The following NCKAP5 variants were observed in gnomAD, a reference collection of about 807,000 sequenced individuals.
NCKAP5 encodes the protein nck-associated protein 5.
A neutral mutation model predicts 167.0 loss-of-function variants in NCKAP5; 92 were observed. That is an observed-to-expected ratio of 0.55 (90% CI 0.47 to 0.66). NCKAP5 has a LOEUF of 0.66. NCKAP5 is among the 30% of genes least tolerant of loss of function. The pLI is 0.00. For synonymous variants in NCKAP5, 891 were observed against 877.4 expected, an observed-to-expected ratio of 1.02 and a Z score of -0.27; for missense variants, 2,378 against 2,315.0, an observed-to-expected ratio of 1.03 and a Z score of -0.56.
chr2:133,286,309 C>A (rs941010804), intron 4 of NCKAP5, among the ~76,000 whole-genome samples: 2 of 152,124 alleles, frequency 1.3e-5, no homozygotes, highest in African/African-American at 4.8e-5. Flanking sequence ...TCTGTGACTT[C>A]TTAACCACAA....
At chr2:133,210,988 AC>A (rs2086188424) in intron 5 of NCKAP5, among the ~76,000 whole-genome samples, 1 of 143,580 alleles carries the variant, frequency 7.0e-6, no homozygotes. Context: ...CATTCCCCCA[AC>A]CCTCCCTACC....
At position 133,338,844 on chromosome 2, in the gene NCKAP5, C is replaced by CA. The variant is rs113212630; in HGVS notation, c.70-35735dup. ...GCAACATGGTGAAACCCTATCTCTC[C>CA]AAAAAAAACAAAAACAAAAACAAAA... On this transcript the variant is annotated intron_variant, in intron 3 of 19. Coordinates refer to ENST00000409261, the MANE Select transcript of NCKAP5 (RefSeq NM_207363.3). Among the ~76,000 whole-genome samples the CA allele has an allele frequency of 1.9e-3, 289 of 151,282 alleles. 3 individuals carry two copies. The highest frequency in any genetic ancestry group is 6.2e-3 in the African/African-American group (256 of 41,242).
chr2:133,211,394 C>T (rs1002111155), intron 5 of NCKAP5, among the ~76,000 whole-genome samples: 6 of 152,034 alleles, frequency 3.9e-5, no homozygotes, highest in Non-Finnish European at 8.8e-5. Flanking sequence ...CCACGCCTGG[C>T]TAATTTTTTA....
At chr2:133,193,490 C>G (rs1403598182) in intron 5 of NCKAP5, among the ~76,000 whole-genome samples, 1 of 152,050 alleles carries the variant, frequency 6.6e-6, no homozygotes, top group Non-Finnish European at 1.5e-5. Context: ...CATCTGTTAA[C>G]CAGCTAGAGA....
chr2:133,375,203 T>A (rs1293661879), intron 3 of NCKAP5, among the ~76,000 whole-genome samples: 1 of 152,206 alleles, frequency 6.6e-6, no homozygotes, highest in African/African-American at 2.4e-5. Flanking sequence ...CTCCCCACAA[T>A]CTTGTCCTGT....
chr2:133,595,999 TA>T, the NCKAP5 span: 1 of 152,246 alleles, frequency 6.6e-6, no homozygotes, highest in Admixed American at 6.5e-5. Flanking sequence ...CATACCTATA[TA>T]AATCTATTAT....
intron 11 of NCKAP5, among the ~76,000 whole-genome samples, chr2:132,839,189 A>C (rs991424802): frequency 1.7e-4 from 26 of 152,210 alleles, no homozygotes; most frequent in African/African-American, 6.0e-4. Flanking sequence ...AATCATACAA[A>C]GTTTTAATTT....
At chr2:133,205,291 T>TTAGATAGATAGATAGACAGATAGA (rs146531752) in intron 5 of NCKAP5, among the ~76,000 whole-genome samples, 9 of 149,770 alleles carry the variant, frequency 6.0e-5, no homozygotes, top group African/African-American at 2.2e-4. Flanking sequence ...GACTCTGAAA[T>TTAGATAGATAGATAGACAGATAGA]TAGATAGATA....
chr2:132,709,664 TAATGA>T (rs941329227), intron 19 of NCKAP5, among the ~76,000 whole-genome samples: 3 of 152,054 alleles, frequency 2.0e-5, no homozygotes, highest in Admixed American at 1.3e-4. Flanking sequence ...TTATAACTAG[TAATGA>T]AATAAACTAG....
At chr2:133,512,802 T>G (rs1683609981) in intron 3 of NCKAP5, among the ~76,000 whole-genome samples, 1 of 152,096 alleles carries the variant, frequency 6.6e-6, no homozygotes, top group Non-Finnish European at 1.5e-5. Context: ...CTACTCTCAG[T>G]CTGCAGTTAC....
the NCKAP5 span, among the ~76,000 whole-genome samples, chr2:133,660,179 T>G: frequency 0.015 from 2,213 of 152,186 alleles, 60 homozygotes; most frequent in African/African-American, 0.05. Context: ...AAATGGTTCT[T>G]CCCTCCCTCG....
intron 19 of NCKAP5, among the ~76,000 whole-genome samples, chr2:132,706,063 T>C (rs997940836): frequency 2.0e-5 from 3 of 152,162 alleles, no homozygotes; most frequent in African/African-American, 7.2e-5. Context: ...TATACACATA[T>C]ACAAATATAG....
chr2:133,599,398 C>T, the NCKAP5 span, among the ~76,000 whole-genome samples: 3 of 152,116 alleles, frequency 2.0e-5, no homozygotes, highest in East Asian at 1.9e-4. Context: ...CAGGTGTCTG[C>T]ATCATTCACA....
At chr2:132,762,539 CA>C (rs1681094630) in intron 16 of NCKAP5, among the ~76,000 whole-genome samples, 1 of 152,144 alleles carries the variant, frequency 6.6e-6, no homozygotes, top group African/African-American at 2.4e-5. Flanking sequence ...GGGGAAAGGG[CA>C]AAACTTACTT....
the NCKAP5 span, among the ~76,000 whole-genome samples, chr2:133,616,205 A>G: frequency 6.7e-6 from 1 of 149,266 alleles, no homozygotes; most frequent in Non-Finnish European, 1.5e-5. Context: ...AGCAGGAAAG[A>G]TCCAAAATTG....
chr2:132,745,018 C>T (rs1259136628), intron 16 of NCKAP5, among the ~76,000 whole-genome samples: 2 of 151,702 alleles, frequency 1.3e-5, no homozygotes, highest in East Asian at 3.8e-4. Context: ...CTATTGAATT[C>T]TTCAGAATTT....
intron 2 of NCKAP5, among the ~76,000 whole-genome samples, chr2:133,519,861 G>A (rs1684327389): frequency 1.3e-5 from 2 of 152,148 alleles, no homozygotes; most frequent in African/African-American, 2.4e-5. Flanking sequence ...GGTAGGTACA[G>A]TATGAAGGAA....
chr2:133,463,854 C>G (rs921469777), intron 3 of NCKAP5, among the ~76,000 whole-genome samples: 1 of 152,184 alleles, frequency 6.6e-6, no homozygotes, highest in Non-Finnish European at 1.5e-5. Context: ...TTTTGTAAGG[C>G]AGGGTTTCAA....
intron 8 of NCKAP5, among the ~76,000 whole-genome samples, chr2:132,922,386 T>C (rs1030686539): frequency 6.6e-5 from 10 of 152,180 alleles, no homozygotes; most frequent in Non-Finnish European, 1.5e-4. Context: ...AATGTTGCTC[T>C]GCCAGAGTCA....
Sources: gnomAD v4.1 joint callset for allele counts (sites outside exome capture counted in the v4.1 genomes callset) on GRCh38, gnomAD v4.1.1 for gene constraint, MANE v1.5 for transcripts, NCBI Gene and HGNC (gene_info 2026-07-23, HGNC 2026-07-21) for gene names.